Variants in FRMD4B observed in about 807,000 individuals in gnomAD.
FRMD4B encodes FERM domain-containing protein 4B.
A neutral mutation model predicts 141.5 loss-of-function variants in FRMD4B; 74 were observed. The observed-to-expected ratio is 0.52, with a 90% CI of 0.43 to 0.63. The LOEUF (loss-of-function observed/expected upper bound fraction) is 0.63. Among genes scored for constraint, FRMD4B ranks in the 30% least tolerant of loss-of-function variants. FRMD4B has a pLI of 0.00. For synonymous variants in FRMD4B, 506 were observed against 467.9 expected (o/e 1.08, Z -1.05); for missense variants, 1,366 against 1,253.4 (o/e 1.09, Z -1.36).
intron 1 of FRMD4B, among the ~76,000 whole-genome samples, chr3:69,349,184 C>G (rs1329788013): frequency 1.3e-5 from 2 of 149,520 alleles, no homozygotes; most frequent in Non-Finnish European, 2.9e-5. Flanking sequence ...CAATAACAGA[C>G]AAACAGAGAG....
chr3:69,228,340 A>G (rs1399667030), intron 7 of FRMD4B: 3 of 456,758 alleles, frequency 6.6e-6, no homozygotes, highest in South Asian at 3.1e-5. Context: ...TCAGATGCAA[A>G]TATCTTGGGG....
chr3:69,184,984 T>C (rs1255543576), intron 19 of FRMD4B, among the ~76,000 whole-genome samples: 1 of 152,200 alleles, frequency 6.6e-6, no homozygotes, highest in Non-Finnish European at 1.5e-5. Context: ...GTGATAAAGA[T>C]TTCACTGCTC....
intron 1 of FRMD4B, chr3:69,334,014 C>A (rs1702462207): frequency 6.6e-6 from 1 of 152,190 alleles, no homozygotes; most frequent in Non-Finnish European, 1.5e-5. Flanking sequence ...TCTCTTGCAT[C>A]CATCTCTAAC....
At chr3:69,248,558 C>T (rs1320965308) in intron 7 of FRMD4B, among the ~76,000 whole-genome samples, 3 of 152,192 alleles carry the variant, frequency 2.0e-5, no homozygotes, top group Non-Finnish European at 2.9e-5. Flanking sequence ...ACATTAACAT[C>T]GTAGAGGCCA....
intron 1 of FRMD4B, among the ~76,000 whole-genome samples, chr3:69,330,206 C>T (rs1702318801): frequency 6.6e-6 from 1 of 151,602 alleles, no homozygotes; most frequent in Non-Finnish European, 1.5e-5. Context: ...TTTCCATCTC[C>T]TGCTCTCCTT....
intron 2 of FRMD4B, among the ~76,000 whole-genome samples, chr3:69,394,109 T>G (rs190675787): frequency 3.8e-4 from 58 of 152,350 alleles, no homozygotes; most frequent in Admixed American, 3.8e-3. Context: ...AACAGAAATT[T>G]ATTTCTCACA....
At chr3:69,272,919 T>C (rs2093602216) in intron 5 of FRMD4B, among the ~76,000 whole-genome samples, 1 of 152,230 alleles carries the variant, frequency 6.6e-6, no homozygotes, top group Admixed American at 6.5e-5. Context: ...GCTAGAACTC[T>C]ACAAAAGTAT....
intron 1 of FRMD4B, among the ~76,000 whole-genome samples, chr3:69,478,727 G>C (rs1244493700): frequency 6.6e-6 from 1 of 152,098 alleles, no homozygotes; most frequent in East Asian, 1.9e-4. Context: ...AGGTCTGCTT[G>C]GTGCAGAGCT....
chr3:69,216,984 T>TGA (rs1437670419), intron 10 of FRMD4B, among the ~76,000 whole-genome samples: 45 of 143,292 alleles, frequency 3.1e-4, no homozygotes, highest in Admixed American at 1.5e-3. Flanking sequence ...AGTTATCCAT[T>TGA]AAAAAAAAAA....
In FRMD4B at chr3:69,184,092, A is replaced by G. The variant is rs1056163613; in HGVS notation, c.1920-1375T>C. On this transcript the variant is annotated intron_variant, in intron 19 of 22. Transcript: ENST00000398540. ...TATTTTTTTTATTTTTTTTATTTTT[A>G]GTAGAGATGGGGTTTCACCATGTTG... 1.5e-4 allele frequency among the ~76,000 whole-genome samples: 23 copies of G among 151,604 alleles called. 1 individual carries two copies. The highest frequency in any genetic ancestry group is 1.4e-3 in the East Asian group (7 of 5,126).
At chr3:69,346,299 T>A (rs1048716827) in intron 1 of FRMD4B, among the ~76,000 whole-genome samples, 5 of 151,996 alleles carry the variant, frequency 3.3e-5, no homozygotes, top group African/African-American at 1.2e-4. Context: ...TAAAAAGAAA[T>A]GAACAAAGCC....
intron 1 of FRMD4B, among the ~76,000 whole-genome samples, chr3:69,382,599 G>T (rs1397950999): frequency 6.6e-6 from 1 of 151,734 alleles, no homozygotes; most frequent in Non-Finnish European, 1.5e-5. Context: ...AACAATTTTT[G>T]CCTCCTTTGG....
chr3:69,185,463 T>C (rs1279056159), intron 19 of FRMD4B, among the ~76,000 whole-genome samples: 1 of 152,134 alleles, frequency 6.6e-6, no homozygotes, highest in African/African-American at 2.4e-5. Context: ...TTTTGGCCCT[T>C]GTAGAGCAAA....
At chr3:69,487,884 G>A (rs904348888) in intron 1 of FRMD4B, among the ~76,000 whole-genome samples, 4 of 152,104 alleles carry the variant, frequency 2.6e-5, no homozygotes, top group African/African-American at 9.7e-5. Context: ...GCTAAATTGA[G>A]AAATCACTAC....
chr3:69,437,728 A>G (rs1376602021), intron 1 of FRMD4B, among the ~76,000 whole-genome samples: 2 of 130,808 alleles, frequency 1.5e-5, no homozygotes, highest in East Asian at 2.1e-4. Context: ...ATATAAATAC[A>G]TATTATATAC....
upstream of FRMD4B, among the ~76,000 whole-genome samples, chr3:69,390,186 C>G (rs778770728): frequency 2.6e-5 from 4 of 152,196 alleles, no homozygotes; most frequent in African/African-American, 7.2e-5. Context: ...GAAGAAAGAG[C>G]AAGTTAGTGA....
intron 1 of FRMD4B, among the ~76,000 whole-genome samples, chr3:69,540,636 A>AAATATATAT (rs1553652109): frequency 1.4e-5 from 1 of 69,540 alleles, no homozygotes. Context: ...AAAAAAAAAA[A>AAATATATAT]ATATATATAT....
Position 69,233,799 on chromosome 3 carries a change from T to C in FRMD4B, c.582-9109A>G, listed in dbSNP as rs111637289. Reference sequence around the variant, plus strand: ...TTACTGTTATTAGGAATGGAGCTAATTGGAAACATTTGCCAGTCTTCTAGT... The same window carrying C: ...TTACTGTTATTAGGAATGGAGCTAACTGGAAACATTTGCCAGTCTTCTAGT... On this transcript the variant is annotated intron_variant, in intron 7 of 22. Transcript: ENST00000398540. 4.7e-4 allele frequency among the ~76,000 whole-genome samples: 72 copies of C among 152,280 alleles called. 1 individual carries two copies. Among genetic ancestry groups the C allele is most frequent in the Non-Finnish European group, 2.8e-4 (19 of 68,012 alleles).
intron 1 of FRMD4B, among the ~76,000 whole-genome samples, chr3:69,349,800 T>C (rs1703073578): frequency 1.3e-5 from 2 of 152,216 alleles, no homozygotes. Flanking sequence ...GATCCCTTCC[T>C]TACACCTTAC....
Sources: allele counts gnomAD v4.1 joint callset (sites outside exome capture counted in the v4.1 genomes callset), GRCh38; gene constraint gnomAD v4.1.1; transcripts MANE v1.5; gene names NCBI Gene and HGNC (gene_info 2026-07-23, HGNC 2026-07-21).